The following COL4A2 variants were observed in gnomAD, a reference collection of about 807,000 sequenced individuals.
COL4A2 encodes the protein collagen alpha-2(IV) chain.
A neutral mutation model predicts 200.2 loss-of-function variants in COL4A2; 99 were observed. The observed-to-expected ratio is 0.49, with a 90% CI of 0.42 to 0.58. COL4A2 has a LOEUF of 0.58. COL4A2 is among the 20% of genes least tolerant of loss of function. COL4A2 has a pLI of 0.00. For synonymous variants in COL4A2, 897 were observed against 900.6 expected, an observed-to-expected ratio of 1.00 and a Z score of 0.07; for missense variants, 1,950 against 2,314.1, an observed-to-expected ratio of 0.84 and a Z score of 3.23.
At chr13:110,384,991 G>A (rs773014596) in intron 4 of COL4A2, among the ~76,000 whole-genome samples, 5 of 152,202 alleles carry the variant, frequency 3.3e-5, no homozygotes, top group East Asian at 1.9e-4. Context: ...GAGGCCGGGC[G>A]CGGTGGCTCA....
At chr13:110,451,964 A>G (rs1176401828) in intron 20 of COL4A2, among the ~76,000 whole-genome samples, 1 of 152,244 alleles carries the variant, frequency 6.6e-6, no homozygotes, top group Non-Finnish European at 1.5e-5. Flanking sequence ...TGTGACGTTG[A>G]CCAAAAGTTA....
At chr13:110,375,704 C>G (rs1445722030) in intron 4 of COL4A2, among the ~76,000 whole-genome samples, 1 of 152,072 alleles carries the variant, frequency 6.6e-6, no homozygotes, top group Non-Finnish European at 1.5e-5. Context: ...GTGACGCACA[C>G]CTGTAATCCC....
At chr13:110,425,720 G>T (rs565397155) in intron 6 of COL4A2, among the ~76,000 whole-genome samples, 1 of 152,174 alleles carries the variant, frequency 6.6e-6, no homozygotes, top group African/African-American at 2.4e-5. Context: ...GTGTGTGCCC[G>T]TGTCCTGCAG....
rs558765818 is a variant in COL4A2, at chr13:110,330,870, G to A, written c.99+22747G>A. Among the ~76,000 whole-genome samples the A allele has an allele frequency of 5.9e-5, 9 of 152,228 alleles. No homozygotes were observed. The South Asian group carries it at 8.3e-4, about 14-fold the overall frequency. On this transcript the variant is annotated intron_variant, in intron 3 of 47. Transcript: ENST00000360467. ...CTGTTTTGACCTATTTTGGCTGAGT[G>A]GTTCCTCTCTAAATGGTTTGGTAAT... is the stretch of plus-strand genomic sequence containing the variant.
intron 29 of COL4A2, among the ~76,000 whole-genome samples, chr13:110,474,903 C>A (rs1882642561): frequency 1.7e-5 from 1 of 57,666 alleles, no homozygotes; most frequent in African/African-American, 5.9e-5. Flanking sequence ...CCTATGCACA[C>A]TCACGATCAC....
At chr13:110,405,356 A>G (rs953717845) in intron 4 of COL4A2, among the ~76,000 whole-genome samples, 5 of 152,170 alleles carry the variant, frequency 3.3e-5, no homozygotes, top group Admixed American at 6.5e-5. Context: ...GATGTGTTCA[A>G]CAAGGCTGTA....
intron 29 of COL4A2, 62 bp downstream of exon 29, chr13:110,473,212 A>G: frequency 6.8e-7 from 1 of 1,466,184 alleles, no homozygotes; most frequent in Non-Finnish European, 9.2e-7. Flanking sequence ...TCCAAGGGCG[A>G]CCCCAATCCC....
intron 3 of COL4A2, among the ~76,000 whole-genome samples, chr13:110,339,984 G>A (rs1440869719): frequency 2.0e-5 from 3 of 152,226 alleles, no homozygotes; most frequent in Non-Finnish European, 4.4e-5. Flanking sequence ...CATCCTGGCG[G>A]TTTATGACAT....
intron 4 of COL4A2, among the ~76,000 whole-genome samples, chr13:110,411,783 A>G (rs1879849423): frequency 6.6e-6 from 1 of 152,236 alleles, no homozygotes; most frequent in African/African-American, 2.4e-5. Context: ...CTGTTCCTCA[A>G]GGGAAGTCTG....
chr13:110,495,377 C>T lies in COL4A2; in HGVS notation c.3670C>T (p.Pro1224Ser), dbSNP rs1385855862. The change falls in exon 40 of 48, where the codon CCT becomes TCT. Residue 1224 changes from proline to serine, a missense_variant. Transcript: ENST00000360467. ...DIHGDPGFPG[P>S]PGERGDPGEA... ...CCACGGAGACCCAGGCTTCCCAGGC[C>T]CTCCTGGGGAAAGAGGTGACCCAGG... 1 of 1,613,840 alleles carries T rather than the reference C, an allele frequency of 6.2e-7. No homozygotes were observed. The highest frequency in any genetic ancestry group is 1.7e-5 in the Admixed American group (1 of 60,022).
At chr13:110,308,426 G>A (rs183571409) in intron 3 of COL4A2, among the ~76,000 whole-genome samples, 1 of 152,100 alleles carries the variant, frequency 6.6e-6, no homozygotes, top group Non-Finnish European at 1.5e-5. Context: ...AGCTGCAGCC[G>A]TAGAGGCCAG....
chr13:110,501,412 A>G (rs1883635075), intron 40 of COL4A2, among the ~76,000 whole-genome samples: 1 of 152,058 alleles, frequency 6.6e-6, no homozygotes, highest in African/African-American at 2.4e-5. Context: ...ACAGGCAGAC[A>G]GGATCCCAGT....
intron 26 of COL4A2, among the ~76,000 whole-genome samples, chr13:110,466,359 C>A (rs1882241751): frequency 6.6e-6 from 1 of 152,152 alleles, no homozygotes; most frequent in Admixed American, 6.5e-5. Context: ...AGGGTCCAGG[C>A]AGAGGAGGCT....
intron 7 of COL4A2, among the ~76,000 whole-genome samples, 163 bp downstream of exon 7, chr13:110,428,746 T>C (rs1258213992): frequency 6.6e-6 from 1 of 152,280 alleles, no homozygotes; most frequent in Non-Finnish European, 1.5e-5. Flanking sequence ...AACTTCATTT[T>C]TCGTATTCTT....
intron 3 of COL4A2, among the ~76,000 whole-genome samples, chr13:110,315,763 C>T (rs1271269081): frequency 6.6e-6 from 1 of 152,198 alleles, no homozygotes; most frequent in African/African-American, 2.4e-5. Flanking sequence ...AGTCCAAGTT[C>T]AGGGCATCTT....
chr13:110,480,172 CCT>C, intron 30 of COL4A2, 46 bp from the exon 31 acceptor site: 1 of 1,513,242 alleles, frequency 6.6e-7, no homozygotes, highest in Non-Finnish European at 8.9e-7. Flanking sequence ...AGAAATTTCC[CCT>C]GTGTGTGTTT....
chr13:110,493,649 T>C (rs949856345), intron 39 of COL4A2, among the ~76,000 whole-genome samples: 1 of 152,154 alleles, frequency 6.6e-6, no homozygotes, highest in African/African-American at 2.4e-5. Flanking sequence ...CTGTGATCTT[T>C]CATTTTGTTG....
intron 4 of COL4A2, among the ~76,000 whole-genome samples, chr13:110,399,664 TTCAAAAA>T (rs563891386): frequency 3.9e-5 from 6 of 152,340 alleles, no homozygotes; most frequent in African/African-American, 1.4e-4. Context: ...ATTGGAACTT[TTCAAAAA>T]TTGTCTAAAT....
intron 28 of COL4A2, among the ~76,000 whole-genome samples, chr13:110,469,754 C>G (rs1020913440): frequency 1.6e-4 from 24 of 152,122 alleles, no homozygotes; most frequent in African/African-American, 5.8e-4. Flanking sequence ...AATGAGGTTT[C>G]CCTTAACCAG....
Sources: allele counts gnomAD v4.1 joint callset (sites outside exome capture counted in the v4.1 genomes callset), GRCh38; gene constraint gnomAD v4.1.1; transcripts MANE v1.5; gene names NCBI Gene and HGNC (gene_info 2026-07-23, HGNC 2026-07-21).